Variants in GRIP1 observed in about 807,000 individuals in gnomAD.
GRIP1 encodes the protein glutamate receptor interacting protein 1, also known as glutamate receptor-interacting protein 1.
Under a neutral mutation model 129.9 loss-of-function variants are expected in GRIP1, and 45 were observed. That is an observed-to-expected ratio of 0.35 (90% CI 0.27 to 0.44). The LOEUF (loss-of-function observed/expected upper bound fraction) is 0.44. Among genes scored for constraint, GRIP1 ranks in the 20% least tolerant of loss-of-function variants. The pLI, the probability that GRIP1 is intolerant of heterozygous loss-of-function variation, is 1.00. For missense variants in GRIP1, 1,196 were observed against 1,396.8 expected (o/e 0.86, Z 2.29); for synonymous variants, 530 against 520.8 (o/e 1.02, Z -0.24).
chr12:67,042,933 G>T (rs1167729208), intron 1 of GRIP1, among the ~76,000 whole-genome samples: 1 of 152,202 alleles, frequency 6.6e-6, no homozygotes, highest in Non-Finnish European at 1.5e-5. Context: ...AAGCAGAGAA[G>T]AGCTTCACAT....
At chr12:66,854,634 A>G (rs2039972052) in intron 1 of GRIP1, among the ~76,000 whole-genome samples, 1 of 152,066 alleles carries the variant, frequency 6.6e-6, no homozygotes, top group Non-Finnish European at 1.5e-5. Context: ...TGATTCAGCA[A>G]GATTACACAG....
At chr12:66,805,962 G>A (rs1190738050), upstream of GRIP1, among the ~76,000 whole-genome samples, 1 of 138,514 alleles carries the variant, frequency 7.2e-6, no homozygotes, top group Non-Finnish European at 1.6e-5. Context: ...CTTGTCCTTA[G>A]GTTTCTTTTT....
chr12:66,900,633 G>A (rs1242644956), intron 1 of GRIP1, among the ~76,000 whole-genome samples: 1 of 152,300 alleles, frequency 6.6e-6, no homozygotes. Context: ...GCCTAAGGTG[G>A]CTATAGTGCT....
intron 1 of GRIP1, among the ~76,000 whole-genome samples, chr12:66,812,035 A>G (rs1592868831): frequency 6.6e-6 from 1 of 152,180 alleles, no homozygotes; most frequent in African/African-American, 2.4e-5. Flanking sequence ...TTGGGTTAAT[A>G]GCAAGTATTT....
At chr12:66,868,693 T>C (rs2040245296) in intron 1 of GRIP1, among the ~76,000 whole-genome samples, 1 of 151,994 alleles carries the variant, frequency 6.6e-6, no homozygotes, top group Admixed American at 6.6e-5. Context: ...TGTATTTGAG[T>C]CCTTACTGTG....
intron 1 of GRIP1, among the ~76,000 whole-genome samples, chr12:66,795,478 A>G (rs1055125901): frequency 3.3e-5 from 5 of 152,196 alleles, no homozygotes; most frequent in Admixed American, 6.6e-5. Flanking sequence ...CATAAATTTT[A>G]AGTTTGTTGG....
intron 1 of GRIP1, among the ~76,000 whole-genome samples, chr12:66,985,089 A>C (rs993305511): frequency 1.1e-4 from 16 of 152,290 alleles, no homozygotes; most frequent in African/African-American, 3.4e-4. Flanking sequence ...TATACGTACA[A>C]ATTTTCTCAC....
In GRIP1 at chr12:66,952,837, T is replaced by C. The variant is rs548929855; in HGVS notation, c.58+116213A>G. Among the ~76,000 whole-genome samples, 121 of 152,344 alleles carry C rather than the reference T, an allele frequency of 7.9e-4. 1 individual carries two copies. The highest frequency in any genetic ancestry group is 1.4e-3 in the Non-Finnish European group (94 of 68,030). On this transcript the variant is annotated intron_variant, in intron 1 of 1. Transcript: ENST00000643019. The stretch of plus-strand genomic sequence containing the variant: ...CATACATGATCCAGGCCTAGAATAC[T>C]GAAAGGAACATGATTCTGATGAGTA...
intron 2 of GRIP1, among the ~76,000 whole-genome samples, chr12:66,577,320 G>A (rs889942237): frequency 2.0e-5 from 3 of 152,156 alleles, no homozygotes; most frequent in Non-Finnish European, 4.4e-5. Context: ...AAAAGCAGGG[G>A]TTACTTTGTA....
intron 13 of GRIP1, among the ~76,000 whole-genome samples, chr12:66,434,692 G>A (rs978500467): frequency 2.6e-5 from 4 of 152,100 alleles, no homozygotes; most frequent in African/African-American, 7.2e-5. Flanking sequence ...CCCATACTGC[G>A]CTTTAACAAC....
intron 1 of GRIP1, among the ~76,000 whole-genome samples, chr12:66,903,063 C>T (rs2040868758): frequency 1.3e-5 from 2 of 152,142 alleles, no homozygotes; most frequent in Non-Finnish European, 2.9e-5. Context: ...AATTAAATAA[C>T]TAGTCAAATT....
At chr12:66,443,449 T>TC (rs199951106) in intron 13 of GRIP1, among the ~76,000 whole-genome samples, 2,978 of 151,226 alleles carry the variant, frequency 0.02, 99 homozygotes, top group African/African-American at 0.067. Flanking sequence ...CTTTTCTCTT[T>TC]CTTTTTTTTT....
At chr12:66,503,224 T>C (rs2060438637) in intron 7 of GRIP1, among the ~76,000 whole-genome samples, 1 of 151,872 alleles carries the variant, frequency 6.6e-6, no homozygotes, top group Non-Finnish European at 1.5e-5. Flanking sequence ...ATTGGGCGAG[T>C]GAACCGGGCA....
At chr12:66,905,901 T>C (rs1446614342) in intron 1 of GRIP1, among the ~76,000 whole-genome samples, 1 of 152,220 alleles carries the variant, frequency 6.6e-6, no homozygotes, top group East Asian at 1.9e-4. Context: ...TATATCCTTT[T>C]ATATCTTTAA....
At chr12:66,624,172 T>G (rs1229107250) in intron 1 of GRIP1, among the ~76,000 whole-genome samples, 1 of 152,190 alleles carries the variant, frequency 6.6e-6, no homozygotes, top group Non-Finnish European at 1.5e-5. Flanking sequence ...TTTTGAATAT[T>G]TAAAAACCTT....
chr12:66,773,932 C>T (rs917880811), intron 1 of GRIP1, among the ~76,000 whole-genome samples: 2 of 151,872 alleles, frequency 1.3e-5, no homozygotes, highest in Non-Finnish European at 2.9e-5. Flanking sequence ...CAATGGTTTA[C>T]ATCAAAAGAT....
intron 7 of GRIP1, among the ~76,000 whole-genome samples, chr12:66,490,856 A>T (rs551913829): frequency 6.6e-6 from 1 of 152,260 alleles, no homozygotes; most frequent in African/African-American, 2.4e-5. Context: ...AACATATGAA[A>T]AAAAGCTCCA....
intron 1 of GRIP1, among the ~76,000 whole-genome samples, chr12:66,614,380 A>G (rs746392016): frequency 1.2e-4 from 18 of 152,014 alleles, no homozygotes; most frequent in Non-Finnish European, 2.1e-4. Context: ...CCCACACCAT[A>G]GCATCCTCAT....
chr12:66,482,226 T>C (rs1219490053), intron 7 of GRIP1, among the ~76,000 whole-genome samples: 3 of 152,148 alleles, frequency 2.0e-5, no homozygotes, highest in African/African-American at 7.2e-5. Context: ...TAGAAAGCAA[T>C]TATTGTTACC....
Sources: gnomAD v4.1 joint callset for allele counts (sites outside exome capture counted in the v4.1 genomes callset) on GRCh38, gnomAD v4.1.1 for gene constraint, MANE v1.5 for transcripts, NCBI Gene and HGNC (gene_info 2026-07-23, HGNC 2026-07-21) for gene names.